The following EML1 variants were observed in gnomAD, a reference collection of about 807,000 sequenced individuals.
EML1 encodes EMAP like 1.
EML1 carries 27 observed loss-of-function variants against 110.4 expected under a neutral mutation model. That is an observed-to-expected ratio of 0.24 (90% CI 0.18 to 0.34). The LOEUF (loss-of-function observed/expected upper bound fraction) is 0.34, where lower values mean the gene tolerates loss of function less well. Among genes scored for constraint, EML1 ranks in the 10% least tolerant of loss-of-function variants. The pLI, the probability that EML1 is intolerant of heterozygous loss-of-function variation, is 1.00. For missense variants in EML1, 741 were observed against 1,030.9 expected (o/e 0.72, Z 3.85); for synonymous variants, 344 against 385.8 (o/e 0.89, Z 1.27).
Position 99,827,015 on chromosome 14 carries a change from G to A in EML1, c.68-23838G>A, listed in dbSNP as rs940882450. On this transcript the variant is annotated intron_variant, in intron 1 of 21. Transcript: ENST00000262233. This position sits in a 1 kb window ranked among gnomAD's most constrained non-coding sequence, Gnocchi z 4.4. The stretch of plus-strand genomic sequence containing the variant: ...TCATTCAGCGCCAGATTTTGTACAC[G>A]TACTAAGTGCTGAATAAATACAGCA... 5.9e-5 allele frequency among the ~76,000 whole-genome samples: 9 copies of A among 151,802 alleles called. No homozygotes were observed. Among genetic ancestry groups the A allele is most frequent in the African/African-American group, 1.4e-4 (6 of 41,402 alleles).
At chr14:99,788,291 T>C (rs932200321) in intron 1 of EML1, among the ~76,000 whole-genome samples, 1 of 152,218 alleles carries the variant, frequency 6.6e-6, no homozygotes, top group African/African-American at 2.4e-5. Flanking sequence ...ATTGTGACCG[T>C]GACCCACAAC....
intron 3 of EML1, among the ~76,000 whole-genome samples, chr14:99,870,982 A>G (rs940040801): frequency 6.6e-6 from 1 of 151,732 alleles, no homozygotes; most frequent in African/African-American, 2.4e-5. Context: ...TTTTTGAGAC[A>G]GTCTTGCTCT....
At chr14:99,787,763 A>G (rs2057616805) in intron 1 of EML1, among the ~76,000 whole-genome samples, 1 of 151,776 alleles carries the variant, frequency 6.6e-6, no homozygotes, top group Non-Finnish European at 1.5e-5. Context: ...GCAGGTGGCC[A>G]TCTCCTCCCT....
intron 17 of EML1, among the ~76,000 whole-genome samples, chr14:99,935,620 G>A (rs982904787): frequency 1.3e-5 from 2 of 151,776 alleles, no homozygotes; most frequent in South Asian, 4.2e-4. Context: ...CGTCTCTACC[G>A]AAAATACAAA....
intron 1 of EML1, among the ~76,000 whole-genome samples, chr14:99,833,957 C>T (rs1233401877): frequency 6.6e-6 from 1 of 152,140 alleles, no homozygotes; most frequent in Admixed American, 6.5e-5. Context: ...TTATTCCTTT[C>T]TAATCTAGAG....
At chr14:99,921,440 GA>G (rs1206735360) in intron 17 of EML1, among the ~76,000 whole-genome samples, 1 of 152,174 alleles carries the variant, frequency 6.6e-6, no homozygotes, top group Non-Finnish European at 1.5e-5. Flanking sequence ...AGCCTCCTCA[GA>G]GTAAAATTTA....
intron 11 of EML1, 45 bp from the exon 12 acceptor site, chr14:99,910,197 T>G: frequency 7.6e-7 from 1 of 1,314,386 alleles, no homozygotes; most frequent in African/African-American, 1.5e-5. Flanking sequence ...ATATATATGT[T>G]GTATGGATTA....
At chr14:99,767,668 A>G (rs2057381385) in intron 1 of EML1, among the ~76,000 whole-genome samples, 1 of 152,200 alleles carries the variant, frequency 6.6e-6, no homozygotes, top group Admixed American at 6.6e-5. Flanking sequence ...ATCCTTTGAA[A>G]AAAATGCAAG....
chr14:99,852,182 T>C lies in EML1; in HGVS notation c.250+1147T>C, dbSNP rs116980328. Among the ~76,000 whole-genome samples the C allele has an allele frequency of 5.0e-3, 765 of 152,380 alleles. 25 individuals are homozygous for C. Among genetic ancestry groups the C allele is most frequent in the Admixed American group, 0.033 (512 of 15,308 alleles). On this transcript the variant is annotated intron_variant, in intron 2 of 21. Transcript: ENST00000262233. The stretch of plus-strand genomic sequence containing the variant: ...GCTAGCTGGCGCCCTCATGTCTACA[T>C]GAACTTGCAAATGGCTCGTCTTTAG...
intron 17 of EML1, among the ~76,000 whole-genome samples, chr14:99,926,066 A>G (rs1328326801): frequency 6.6e-6 from 1 of 152,230 alleles, no homozygotes; most frequent in East Asian, 1.9e-4. Context: ...AGGGAAGAAC[A>G]TGATGGATTC....
intron 13 of EML1, among the ~76,000 whole-genome samples, chr14:99,913,566 T>C (rs1439411149): frequency 1.3e-5 from 2 of 152,230 alleles, no homozygotes; most frequent in East Asian, 3.8e-4. Flanking sequence ...TTCCTTATTT[T>C]TAAATTTTGT....
chr14:99,772,884 G>A (rs970538720), upstream of EML1: 1 of 152,170 alleles, frequency 6.6e-6, no homozygotes, highest in South Asian at 2.1e-4. Context: ...GACAGACAAG[G>A]AGCAGGTGCT....
chr14:99,868,546 T>G (rs1274106592), intron 3 of EML1, among the ~76,000 whole-genome samples: 1 of 152,182 alleles, frequency 6.6e-6, no homozygotes, highest in Non-Finnish European at 1.5e-5. Context: ...CCTGGTGGGC[T>G]TTGTGTTTCT....
chr14:99,939,839 TCACA>T lies in EML1; in HGVS notation c.2323-143_2323-140del, dbSNP rs2060552565. 6 of 1,017,352 alleles carry T rather than the reference TCACA, an allele frequency of 5.9e-6. No individual in the cohort carries two copies. The African/African-American group carries it at 6.5e-5, about 11-fold the overall frequency. 63.0% of individuals were successfully genotyped at this position (1,017,352 alleles called of 1,614,324 possible). A position where few individuals can be genotyped will look rare whatever the true frequency, so the allele number is the denominator to read the frequency against. ...GCTTTGTTTCTGTGTCCCTTCTGTG[TCACA>T]CACAGAGCAGGTTCCCAAGTGAGAG... On this transcript the variant is annotated intron_variant, in intron 21 of 21. Coordinates refer to ENST00000262233, the MANE Select transcript of EML1 (RefSeq NM_004434.3). This position sits in a 1 kb window ranked among gnomAD's most constrained non-coding sequence, Gnocchi z 4.2.
chr14:99,930,401 A>AG (rs1397793445), intron 17 of EML1, among the ~76,000 whole-genome samples: 15 of 152,226 alleles, frequency 9.9e-5, no homozygotes, highest in African/African-American at 3.4e-4. Context: ...CAAGCCCTCC[A>AG]GGAGTGCATG....
At chr14:99,830,285 A>G (rs1405965590) in intron 1 of EML1, among the ~76,000 whole-genome samples, 3 of 152,092 alleles carry the variant, frequency 2.0e-5, no homozygotes, top group Non-Finnish European at 2.9e-5. Context: ...GGCCATTTGT[A>G]TATCTTCTTA....
intron 13 of EML1, among the ~76,000 whole-genome samples, chr14:99,911,999 G>C (rs994669818): frequency 6.6e-6 from 1 of 151,228 alleles, no homozygotes; most frequent in Non-Finnish European, 1.5e-5. Context: ...GGGCTCAAGT[G>C]ATCCTCCCAC....
At chr14:99,737,763 G>A (rs1343891204) in exon 1 of EML1, 3 of 1,282,972 alleles carry the variant, frequency 2.3e-6, no homozygotes, top group Non-Finnish European at 3.0e-6. Context: ...CCTGCTGGGT[G>A]GGTGACAGCC....
chr14:99,760,495 T>C lies in EML1; in HGVS notation c.28+22635T>C, dbSNP rs563530912. ...CCATTCTCTGATGTTGGGATTACTGTGCAGGGTGTTTAGAACGCACCGTTC... is the reference window on the plus strand; with the variant it reads ...CCATTCTCTGATGTTGGGATTACTGCGCAGGGTGTTTAGAACGCACCGTTC... On this transcript the variant is annotated intron_variant, in intron 1 of 10. Coordinates refer to the EML1 transcript ENST00000554479. Among the ~76,000 whole-genome samples, 4 of 152,286 alleles carry C rather than the reference T, an allele frequency of 2.6e-5. No individual in the cohort carries two copies. In the East Asian group the frequency reaches 7.7e-4, roughly 29 times the overall value.
Sources: allele counts gnomAD v4.1 joint callset (sites outside exome capture counted in the v4.1 genomes callset), GRCh38; gene constraint gnomAD v4.1.1; non-coding constraint Gnocchi (gnomAD v3.1); transcripts MANE v1.5; gene names NCBI Gene and HGNC (gene_info 2026-07-23, HGNC 2026-07-21).